Variants in ADGRV1 observed in about 807,000 individuals in gnomAD.
The protein encoded by ADGRV1 is adhesion G protein-coupled receptor V1.
ADGRV1 carries 359 observed loss-of-function variants against 596.2 expected under a neutral mutation model. That is an observed-to-expected ratio of 0.60 (90% confidence interval 0.55 to 0.66). The LOEUF (loss-of-function observed/expected upper bound fraction) is 0.66. Among genes scored for constraint, ADGRV1 ranks in the 30% least tolerant of loss-of-function variants. The pLI is 0.00. For synonymous variants in ADGRV1, 2,681 were observed against 2,679.2 expected (o/e 1.00, Z -0.02); for missense variants, 7,274 against 7,575.6 (o/e 0.96, Z 1.48).
intron 31 of ADGRV1, among the ~76,000 whole-genome samples, chr5:90,692,268 T>A (rs1228922643): frequency 5.3e-5 from 8 of 152,290 alleles, no homozygotes; most frequent in South Asian, 4.1e-4. Context: ...AGATTTTTTT[T>A]AAAAAAGTTA....
chr5:91,028,631 A>G (rs1029032685), intron 85 of ADGRV1, among the ~76,000 whole-genome samples: 6 of 151,324 alleles, frequency 4.0e-5, no homozygotes, highest in African/African-American at 1.5e-4. Context: ...AGACATCTCT[A>G]CCATCAAGGA....
rs574103495 is a variant in ADGRV1 at position 90,895,115 on chromosome 5, T to C, written c.17856+31258T>C. ...GGCTAATTTTTTTTATTTTTTATTT[T>C]TGTAGAGATGAGGTCTTGCTGTAAT... On this transcript the variant is annotated intron_variant, in intron 83 of 89. Transcript: ENST00000405460. 2.6e-5 allele frequency among the ~76,000 whole-genome samples: 4 copies of C among 152,128 alleles called. No homozygotes were observed. In the South Asian group the frequency reaches 8.3e-4, roughly 32 times the overall value.
intron 86 of ADGRV1, among the ~76,000 whole-genome samples, chr5:91,087,271 C>A (rs1283587773): frequency 2.6e-5 from 4 of 152,056 alleles, no homozygotes; most frequent in Non-Finnish European, 5.9e-5. Flanking sequence ...GTAATATGCA[C>A]AACTATATAA....
At chr5:91,053,421 G>A (rs969869055) in intron 85 of ADGRV1, among the ~76,000 whole-genome samples, 2 of 152,066 alleles carry the variant, frequency 1.3e-5, no homozygotes, top group Non-Finnish European at 2.9e-5. Flanking sequence ...CCTTGACCTT[G>A]AAAGTTTTAT....
intron 77 of ADGRV1, among the ~76,000 whole-genome samples, chr5:90,838,593 T>C (rs1765169726): frequency 6.6e-6 from 1 of 152,206 alleles, no homozygotes; most frequent in East Asian, 1.9e-4. Flanking sequence ...ACTTACTATG[T>C]ATAACAGATA....
In ADGRV1 at chr5:90,725,590, T is replaced by C; in HGVS notation, c.10095T>C (p.Tyr3365=). 6.3e-7 allele frequency: 1 copy of C among 1,586,982 alleles called. No homozygotes were observed. The highest frequency in any genetic ancestry group is 8.7e-7 in the Non-Finnish European group (1 of 1,155,894). The change falls in exon 48 of 90, where the codon TAT becomes TAC. Residue 3365 remains tyrosine (Y), a synonymous_variant. Coordinates refer to ENST00000405460, the MANE Select transcript of ADGRV1 (RefSeq NM_032119.4). ...IIILESSQVR[Y]FTSDSQDYLI... is the part of the protein sequence containing the mutation. ...TTCTGGAAAGTTCTCAAGTAAGATA[T>C]TTTACTTCAGACAGCCAAGATTATT...
At chr5:90,681,818 C>CTCCCTCCG (rs1554080979) in intron 27 of ADGRV1, among the ~76,000 whole-genome samples, 2 of 147,252 alleles carry the variant, frequency 1.4e-5, no homozygotes, top group Non-Finnish European at 3.0e-5. Context: ...CCCTCCCTCC[C>CTCCCTCCG]TCCCTCACTC....
At chr5:90,623,975 A>G (rs1764415255) in intron 5 of ADGRV1, among the ~76,000 whole-genome samples, 2 of 148,496 alleles carry the variant, frequency 1.3e-5, no homozygotes, top group South Asian at 2.1e-4. Flanking sequence ...CCACAACATG[A>G]TTATATACTA....
At chr5:90,784,277 G>A (rs1477512792) in intron 67 of ADGRV1, among the ~76,000 whole-genome samples, 1 of 152,098 alleles carries the variant, frequency 6.6e-6, no homozygotes, top group Non-Finnish European at 1.5e-5. Flanking sequence ...TAGAAATGAA[G>A]TGAATGATTC....
intron 1 of ADGRV1, among the ~76,000 whole-genome samples, chr5:90,576,714 AT>A (rs1369605080): frequency 6.6e-6 from 1 of 152,124 alleles, no homozygotes; most frequent in Admixed American, 6.5e-5. Context: ...GGTTGAATTA[AT>A]TTACAGTCCC....
At chr5:90,858,289 A>G (rs1040702401) in intron 82 of ADGRV1, among the ~76,000 whole-genome samples, 1 of 152,190 alleles carries the variant, frequency 6.6e-6, no homozygotes, top group Admixed American at 6.5e-5. Context: ...ATAAAGCCAT[A>G]ATTTTGTAGT....
Position 91,163,895 on chromosome 5 carries a change from C to T in ADGRV1, c.18916C>T (p.Leu6306=). The T allele has an allele frequency of 6.8e-7, 1 of 1,467,266 alleles. No individual in the cohort carries two copies. The allele number at this position is 1,467,266 out of a possible 1,614,324, so 90.9% of individuals were successfully genotyped here. The part of the protein sequence containing the change: ...LRRIPIADTH[L] Reference sequence around the variant, plus strand: ...GAGGATACCCATCGCCGACACTCACCTGTAGCACCTCACTAACCATTCGAC... The same window carrying T: ...GAGGATACCCATCGCCGACACTCACTTGTAGCACCTCACTAACCATTCGAC... The change falls in exon 90 of 90, where the codon CTG becomes TTG. Residue 6306 remains leucine (L), a synonymous_variant. Transcript: ENST00000405460.
intron 70 of ADGRV1, among the ~76,000 whole-genome samples, chr5:90,793,501 G>T (rs1003575334): frequency 3.3e-5 from 5 of 152,168 alleles, no homozygotes; most frequent in Admixed American, 6.5e-5. Flanking sequence ...TAAGCAACGT[G>T]TATAGTACAA....
intron 84 of ADGRV1, among the ~76,000 whole-genome samples, chr5:90,974,078 A>G (rs1357704026): frequency 6.6e-6 from 1 of 152,204 alleles, no homozygotes; most frequent in Non-Finnish European, 1.5e-5. Flanking sequence ...GAGCCAAATC[A>G]TGAGTGAACT....
chr5:90,725,848 A>G (rs1216518582), intron 48 of ADGRV1, among the ~76,000 whole-genome samples, 192 bp downstream of exon 48: 2 of 152,202 alleles, frequency 1.3e-5, no homozygotes, highest in African/African-American at 2.4e-5. Context: ...ATGTTATATT[A>G]TCTTCAAGAG....
At chr5:90,800,777 A>G (rs992456126) in intron 70 of ADGRV1, among the ~76,000 whole-genome samples, 3 of 152,222 alleles carry the variant, frequency 2.0e-5, no homozygotes, top group Non-Finnish European at 4.4e-5. Flanking sequence ...TTGCAGGGTC[A>G]TGGATGAAGC....
At chr5:90,745,475 T>G in intron 51 of ADGRV1, 116 bp from the exon 52 acceptor site, 1 of 799,982 alleles carries the variant, frequency 1.3e-6, no homozygotes, top group Non-Finnish European at 1.9e-6. Flanking sequence ...ATTTTCGTTA[T>G]GAAATGTTGT....
chr5:90,756,191 A>T (rs905701021), intron 55 of ADGRV1, among the ~76,000 whole-genome samples: 2 of 152,142 alleles, frequency 1.3e-5, no homozygotes, highest in African/African-American at 2.4e-5. Context: ...AAATTTCAGG[A>T]TAGATTTTTA....
intron 83 of ADGRV1, among the ~76,000 whole-genome samples, chr5:90,949,001 A>G (rs907572185): frequency 3.9e-5 from 6 of 152,162 alleles, no homozygotes; most frequent in Admixed American, 6.5e-5. Flanking sequence ...CATCAGAAGT[A>G]GAATGGATAC....
Sources: gnomAD v4.1 joint callset for allele counts (sites outside exome capture counted in the v4.1 genomes callset) on GRCh38, gnomAD v4.1.1 for gene constraint, MANE v1.5 for transcripts, NCBI Gene and HGNC (gene_info 2026-07-23, HGNC 2026-07-21) for gene names.